Variants in PCNX2 observed in about 807,000 individuals in gnomAD.
PCNX2 encodes pecanex-like protein 2.
In PCNX2, 168 loss-of-function variants were observed where a neutral mutation model predicts 223.8. The observed-to-expected ratio is 0.75, with a 90% confidence interval of 0.66 to 0.85. The LOEUF is 0.85. Ranked by LOEUF, PCNX2 falls within the 40% of genes least tolerant of loss-of-function variation. The pLI, the probability that PCNX2 is intolerant of heterozygous loss-of-function variation, is 0.00. For synonymous variants in PCNX2, 1,006 were observed against 1,052.6 expected (o/e 0.96, Z 0.86); for missense variants, 2,507 against 2,675.5 (o/e 0.94, Z 1.39).
chr1:233,023,325 T>C (rs970546298), intron 26 of PCNX2, among the ~76,000 whole-genome samples: 2 of 152,182 alleles, frequency 1.3e-5, no homozygotes, highest in Non-Finnish European at 2.9e-5. Flanking sequence ...CAAAGTACAC[T>C]TTCCAGACCC....
chr1:233,067,911 T>C (rs942676706), intron 23 of PCNX2, among the ~76,000 whole-genome samples: 2 of 151,754 alleles, frequency 1.3e-5, no homozygotes, highest in African/African-American at 4.8e-5. Flanking sequence ...AGAAAAAAAA[T>C]GAACAGAGTC....
chr1:233,208,599 T>A lies in PCNX2; in HGVS notation c.2782A>T (p.Arg928Trp), dbSNP rs1681626174. ...ILLLDTGAKA[R>W]HPPSYVVYGL... ...TACACAACGTAACTGGGAGGGTGCC[T>A]GGCTTTGGCCCCTGTATCAAGAAGC... is the stretch of plus-strand genomic sequence containing the variant. Residue 928 changes from arginine (R) to tryptophan (W), a missense_variant, in exon 13 of 34, where the codon AGG (arginine) becomes TGG (tryptophan). Coordinates refer to ENST00000258229, the MANE Select transcript of PCNX2 (RefSeq NM_014801.4). 6.2e-7 allele frequency: 1 copy of A among 1,613,698 alleles called. No homozygotes were observed. The highest frequency in any genetic ancestry group is 1.3e-5 in the African/African-American group (1 of 74,852).
At chr1:233,184,313 A>T (rs1237276117) in intron 15 of PCNX2, among the ~76,000 whole-genome samples, 1 of 152,070 alleles carries the variant, frequency 6.6e-6, no homozygotes, top group African/African-American at 2.4e-5. Context: ...GTTCTGTGGA[A>T]GGCACTTAAT....
intron 13 of PCNX2, among the ~76,000 whole-genome samples, chr1:233,204,592 G>T (rs1681337076): frequency 6.6e-6 from 1 of 152,226 alleles, no homozygotes; most frequent in South Asian, 2.1e-4. Context: ...AGGAAGAAAT[G>T]ACTTTAAGTA....
intron 1 of PCNX2, chr1:233,293,881 A>G (rs996320591): frequency 1.1e-6 from 1 of 882,746 alleles, no homozygotes; most frequent in African/African-American, 1.8e-5. Context: ...TGTGCTCCTC[A>G]TGACTTTGCT....
At chr1:233,108,452 G>T (rs55714675) in intron 21 of PCNX2, among the ~76,000 whole-genome samples, 20,130 of 152,218 alleles carry the variant, frequency 0.13, 1,448 homozygotes, top group East Asian at 0.21. Flanking sequence ...TGTGTGGGCT[G>T]GTGGGACAGT....
At chr1:233,114,770 C>T (rs181542992) in intron 21 of PCNX2, among the ~76,000 whole-genome samples, 55 of 152,122 alleles carry the variant, frequency 3.6e-4, no homozygotes, top group Middle Eastern at 3.4e-3. Context: ...GCCATAAACT[C>T]CTAGGAACAT....
chr1:233,213,550 A>C (rs1419333755), intron 12 of PCNX2, among the ~76,000 whole-genome samples: 1 of 152,156 alleles, frequency 6.6e-6, no homozygotes, highest in African/African-American at 2.4e-5. Context: ...TAGATTTAAA[A>C]CTACTCTAAA....
At chr1:233,073,297 T>G (rs1272551906) in intron 23 of PCNX2, among the ~76,000 whole-genome samples, 3 of 152,222 alleles carry the variant, frequency 2.0e-5, no homozygotes, top group African/African-American at 7.2e-5. Flanking sequence ...CCATTCTAGC[T>G]AAAGGTTTGT....
In PCNX2 at chr1:233,177,922, T is replaced by C. The variant is rs1260519282; in HGVS notation, c.3177-24A>G. Reference sequence around the variant, plus strand: ...ACCTGAAAGTGGAAAAACACAATACTTCATCAAAGATGTTCCTGGGACAGT... The same window carrying C: ...ACCTGAAAGTGGAAAAACACAATACCTCATCAAAGATGTTCCTGGGACAGT... On this transcript the variant is annotated intron_variant, in intron 16 of 33. Transcript: ENST00000258229. The C allele has an allele frequency of 3.2e-6, 5 of 1,576,038 alleles. No individual in the cohort carries two copies. The East Asian group carries it at 6.7e-5, about 21-fold the overall frequency.
chr1:233,226,293 A>C (rs1007566308), intron 10 of PCNX2, among the ~76,000 whole-genome samples: 9 of 151,976 alleles, frequency 5.9e-5, no homozygotes, highest in Non-Finnish European at 1.2e-4. Context: ...GGGGGAGATT[A>C]AGTTTTGCTC....
At chr1:233,027,208 G>T (rs949116845) in intron 25 of PCNX2, among the ~76,000 whole-genome samples, 1 of 152,082 alleles carries the variant, frequency 6.6e-6, no homozygotes, top group Non-Finnish European at 1.5e-5. Flanking sequence ...ATTACATGAA[G>T]AATTAACTGT....
chr1:233,130,572 C>T (rs1676432982), intron 21 of PCNX2, among the ~76,000 whole-genome samples: 1 of 151,640 alleles, frequency 6.6e-6, no homozygotes, highest in Non-Finnish European at 1.5e-5. Flanking sequence ...GCAAGCTCCA[C>T]CTCCTGGGTT....
the PCNX2 span, among the ~76,000 whole-genome samples, chr1:233,317,415 A>AAAACAAACAAAC: frequency 2.7e-5 from 4 of 150,790 alleles, no homozygotes; most frequent in African/African-American, 7.3e-5. Flanking sequence ...CTCTGTCTCA[A>AAAACAAACAAAC]AAACAAACAA....
intron 12 of PCNX2, among the ~76,000 whole-genome samples, chr1:233,214,386 A>ATGAACCC (rs1202232515): frequency 6.6e-6 from 1 of 152,202 alleles, no homozygotes; most frequent in Admixed American, 6.5e-5. Flanking sequence ...GCATTCAGAT[A>ATGAACCC]TGAACCCTGT....
chr1:233,036,431 A>C (rs898521378), intron 25 of PCNX2, among the ~76,000 whole-genome samples: 8 of 152,136 alleles, frequency 5.3e-5, no homozygotes, highest in South Asian at 2.1e-4. Context: ...GGAGTTCAAG[A>C]CCAGCCTGGC....
At chr1:233,097,986 T>C (rs980232108) in intron 21 of PCNX2, among the ~76,000 whole-genome samples, 1 of 152,166 alleles carries the variant, frequency 6.6e-6, no homozygotes, top group Non-Finnish European at 1.5e-5. Flanking sequence ...AATCAAACTC[T>C]ATCAGAAAAA....
intron 32 of PCNX2, among the ~76,000 whole-genome samples, chr1:232,994,951 G>A (rs1411479229): frequency 1.3e-5 from 2 of 152,194 alleles, no homozygotes; most frequent in Non-Finnish European, 2.9e-5. Flanking sequence ...CACAGTCTCA[G>A]GTAGTACCTT....
intron 10 of PCNX2, among the ~76,000 whole-genome samples, chr1:233,223,302 G>A (rs2477855): frequency 0.65 from 99,026 of 152,020 alleles, 32,508 homozygotes; most frequent in East Asian, 0.79. Flanking sequence ...ACGGAGTTTT[G>A]AGGTTGGGGG....
Sources: allele counts gnomAD v4.1 joint callset (sites outside exome capture counted in the v4.1 genomes callset), GRCh38; gene constraint gnomAD v4.1.1; transcripts MANE v1.5; gene names NCBI Gene and HGNC (gene_info 2026-07-23, HGNC 2026-07-21).